Variants in NPNT observed in about 807,000 individuals in gnomAD.
NPNT encodes the protein preosteoblast EGF-like repeat protein with MAM domain.
Under a neutral mutation model 68.6 loss-of-function variants are expected in NPNT, and 45 were observed. The ratio of observed to expected loss-of-function variants is 0.66; its 90% CI spans 0.52 to 0.84. NPNT has a LOEUF of 0.84. NPNT is among the 40% of genes least tolerant of loss of function. The pLI is 0.00. For synonymous variants in NPNT, 233 were observed against 253.3 expected (o/e 0.92, Z 0.76); for missense variants, 672 against 714.8 (o/e 0.94, Z 0.68).
intron 2 of NPNT, among the ~76,000 whole-genome samples, chr4:105,921,146 T>G (rs1728228682): frequency 6.6e-6 from 1 of 152,292 alleles, no homozygotes; most frequent in East Asian, 1.9e-4. Flanking sequence ...TATTTAAATG[T>G]TACTTAAATA....
At chr4:105,930,753 A>C (rs1288435858) in intron 3 of NPNT, among the ~76,000 whole-genome samples, 5 of 152,258 alleles carry the variant, frequency 3.3e-5, no homozygotes, top group African/African-American at 1.2e-4. Flanking sequence ...TAACCCCCAG[A>C]AACTTGCATC....
At chr4:105,954,515 G>A (rs1731067779) in intron 8 of NPNT, among the ~76,000 whole-genome samples, 1 of 152,066 alleles carries the variant, frequency 6.6e-6, no homozygotes, top group South Asian at 2.1e-4. Flanking sequence ...CCTGATCTTG[G>A]CAATCCTCTG....
chr4:105,902,413 G>T (rs571069796), intron 2 of NPNT, among the ~76,000 whole-genome samples: 3 of 152,284 alleles, frequency 2.0e-5, no homozygotes, highest in Non-Finnish European at 4.4e-5. Flanking sequence ...CTCAAAAGGG[G>T]TGGGGATTGT....
intron 2 of NPNT, among the ~76,000 whole-genome samples, chr4:105,901,653 C>T (rs1726427536): frequency 6.6e-6 from 1 of 152,128 alleles, no homozygotes; most frequent in Admixed American, 6.6e-5. Context: ...TCCTTAAGAA[C>T]AGGGAAAATT....
chr4:105,904,026 T>C (rs956690542), intron 2 of NPNT, among the ~76,000 whole-genome samples: 3 of 152,058 alleles, frequency 2.0e-5, no homozygotes, highest in African/African-American at 7.2e-5. Flanking sequence ...TCAACTGATC[T>C]GCCCACCTCA....
chr4:105,933,278 C>T (rs1484942810), intron 3 of NPNT, among the ~76,000 whole-genome samples: 3 of 152,076 alleles, frequency 2.0e-5, no homozygotes, highest in Admixed American at 6.5e-5. Flanking sequence ...GTGGGGTTGG[C>T]GTGAGAATAG....
chr4:105,909,492 T>TA (rs1420300962), intron 2 of NPNT, among the ~76,000 whole-genome samples: 1 of 152,242 alleles, frequency 6.6e-6, no homozygotes, highest in Non-Finnish European at 1.5e-5. Context: ...GTAGGTTTGC[T>TA]AAATGTTGTG....
chr4:105,967,430 G>C lies in NPNT; in HGVS notation c.1588G>C (p.Ala530Pro). 3 of 1,592,284 alleles carry C rather than the reference G, an allele frequency of 1.9e-6. No individual in the cohort carries two copies. The highest frequency in any genetic ancestry group is 1.3e-5 in the African/African-American group (1 of 74,432). ...WRQTQITLRG[A>P]DIKSVVFKGE... Reference sequence around the variant, plus strand: ...GCAAACACAGATCACCTTGCGAGGGGCTGACATCAAGAGCGTAAGTAGATC... The same window carrying C: ...GCAAACACAGATCACCTTGCGAGGGCCTGACATCAAGAGCGTAAGTAGATC... The change falls in exon 11 of 12, where the codon GCT becomes CCT. Residue 530 changes from alanine to proline, a missense_variant. Transcript: ENST00000379987.
At chr4:105,918,420 A>G (rs796656219) in intron 2 of NPNT, among the ~76,000 whole-genome samples, 15 of 152,330 alleles carry the variant, frequency 9.8e-5, no homozygotes, top group African/African-American at 3.6e-4. Context: ...CAGATGTTTT[A>G]AAAAATGATA....
intron 3 of NPNT, among the ~76,000 whole-genome samples, chr4:105,928,888 T>C (rs1302295031): frequency 6.6e-6 from 1 of 152,144 alleles, no homozygotes; most frequent in Non-Finnish European, 1.5e-5. Context: ...TATTCCAAGA[T>C]ACTCCTTGAG....
At chr4:105,920,732 G>A (rs1728200679) in intron 2 of NPNT, among the ~76,000 whole-genome samples, 1 of 152,000 alleles carries the variant, frequency 6.6e-6, no homozygotes, top group African/African-American at 2.4e-5. Flanking sequence ...TGTCTGAATT[G>A]GATGTTCCCA....
intron 3 of NPNT, among the ~76,000 whole-genome samples, chr4:105,931,148 C>A (rs1729073530): frequency 6.6e-6 from 1 of 151,976 alleles, no homozygotes; most frequent in Non-Finnish European, 1.5e-5. Context: ...ACACAAACCT[C>A]TTTTTCCCCC....
intron 10 of NPNT, among the ~76,000 whole-genome samples, chr4:105,959,689 G>C (rs1225513487): frequency 6.6e-6 from 1 of 151,558 alleles, no homozygotes; most frequent in Non-Finnish European, 1.5e-5. Flanking sequence ...TTTAGACATA[G>C]TTCCTTGGAA....
At chr4:105,899,669 T>C (rs768400377) in intron 2 of NPNT, among the ~76,000 whole-genome samples, 7 of 152,256 alleles carry the variant, frequency 4.6e-5, no homozygotes, top group Admixed American at 1.3e-4. Context: ...ATCAAAGTAG[T>C]TCCAAGGTTT....
intron 1 of NPNT, among the ~76,000 whole-genome samples, chr4:105,896,645 G>A (rs1289052478): frequency 1.3e-5 from 2 of 152,096 alleles, no homozygotes; most frequent in Non-Finnish European, 2.9e-5. Flanking sequence ...GTAGGTCCCT[G>A]CCTAGTCCTA....
chr4:105,921,404 G>A (rs1455780999), intron 2 of NPNT, among the ~76,000 whole-genome samples: 1 of 152,142 alleles, frequency 6.6e-6, no homozygotes, highest in Non-Finnish European at 1.5e-5. Context: ...TGAAGATAGT[G>A]TCTGCCTCTC....
intron 7 of NPNT, among the ~76,000 whole-genome samples, chr4:105,941,248 C>T (rs1424467401): frequency 6.6e-6 from 1 of 151,936 alleles, no homozygotes; most frequent in Non-Finnish European, 1.5e-5. Context: ...GGATGAGGTG[C>T]TAGGATCACT....
chr4:105,903,892 C>T lies in NPNT; in HGVS notation c.172+5891C>T, dbSNP rs1346330321. ...CCTTACCTCCTGGGCTCAAGCCATC[C>T]TCCCACCTCAGCCTCCTGAGTAGTT... On this transcript the variant is annotated intron_variant, in intron 2 of 11. Coordinates refer to ENST00000379987, the MANE Select transcript of NPNT (RefSeq NM_001033047.3). Among the ~76,000 whole-genome samples the T allele has an allele frequency of 4.0e-5, 6 of 151,852 alleles. No individual in the cohort carries two copies. In the East Asian group the frequency reaches 9.7e-4, roughly 25 times the overall value.
intron 8 of NPNT, among the ~76,000 whole-genome samples, chr4:105,948,175 T>C (rs1255803473): frequency 6.6e-6 from 1 of 152,174 alleles, no homozygotes; most frequent in Non-Finnish European, 1.5e-5. Flanking sequence ...TCTAGAAAAT[T>C]CTAAGTCTAA....
Sources: allele counts gnomAD v4.1 joint callset (sites outside exome capture counted in the v4.1 genomes callset), GRCh38; gene constraint gnomAD v4.1.1; transcripts MANE v1.5; gene names NCBI Gene and HGNC (gene_info 2026-07-23, HGNC 2026-07-21).